BMPER: variants seen among roughly 807,000 people sequenced by gnomAD.
BMPER encodes the protein BMP binding endothelial regulator, also known as BMP-binding endothelial regulator protein.
A neutral mutation model predicts 87.3 loss-of-function variants in BMPER; 45 were observed. The ratio of observed to expected loss-of-function variants is 0.52; its 90% CI spans 0.41 to 0.66. The LOEUF (loss-of-function observed/expected upper bound fraction) is 0.66. Ranked by LOEUF, BMPER falls within the 30% of genes least tolerant of loss-of-function variation. BMPER has a pLI of 0.00. For synonymous variants in BMPER, 326 were observed against 316.2 expected, an observed-to-expected ratio of 1.03 and a Z score of -0.33; for missense variants, 784 against 867.5, an observed-to-expected ratio of 0.90 and a Z score of 1.21.
intron 2 of BMPER, among the ~76,000 whole-genome samples, chr7:33,907,160 C>T (rs1003050920): frequency 3.3e-5 from 5 of 151,992 alleles, no homozygotes; most frequent in Admixed American, 2.0e-4. Context: ...CTTTGTATGA[C>T]GTCTCGGTGA....
At position 33,942,482 on chromosome 7, in the gene BMPER, G is replaced by A. The variant is rs981626016; in HGVS notation, c.319+5094G>A. 2.0e-5 allele frequency among the ~76,000 whole-genome samples: 3 copies of A among 152,162 alleles called. No homozygotes were observed. The East Asian group carries it at 5.8e-4, about 29-fold the overall frequency. ...CAGACCCAGGTGGTCTCACCATTAG[G>A]CTTCCAGGCCTGCTGTATCAGCAGC... is the stretch of plus-strand genomic sequence containing the variant. On this transcript the variant is annotated intron_variant, in intron 3 of 14. Transcript: ENST00000649409.
At chr7:34,098,176 C>T (rs1203368609) in intron 13 of BMPER, among the ~76,000 whole-genome samples, 1 of 151,926 alleles carries the variant, frequency 6.6e-6, no homozygotes, top group Non-Finnish European at 1.5e-5. Flanking sequence ...GGGGAACCAC[C>T]CTGGTAACTT....
chr7:33,964,708 C>A (rs1785360797), intron 3 of BMPER, among the ~76,000 whole-genome samples: 1 of 152,210 alleles, frequency 6.6e-6, no homozygotes, highest in Non-Finnish European at 1.5e-5. Context: ...CCTGTTAACC[C>A]TGGCTCACAT....
Position 34,110,126 on chromosome 7 carries a change from C to T in BMPER, c.1745+24034C>T, listed in dbSNP as rs566627013. 2.6e-5 allele frequency among the ~76,000 whole-genome samples: 4 copies of T among 152,272 alleles called. No individual in the cohort carries two copies. In the South Asian group the frequency reaches 8.3e-4, roughly 32 times the overall value. ...CAAGGTTTCCGCTGGCTCTTGAGTG[C>T]AGTGGACTTTGCTGGGCGTGTATCC... On this transcript the variant is annotated intron_variant, in intron 13 of 14. Coordinates refer to ENST00000649409, the MANE Select transcript of BMPER (RefSeq NM_001365308.1).
chr7:33,927,416 G>C (rs1022467017), intron 2 of BMPER, among the ~76,000 whole-genome samples: 4 of 152,148 alleles, frequency 2.6e-5, no homozygotes, highest in African/African-American at 9.7e-5. Context: ...ACCACCAATT[G>C]CCAAGGGAAT....
intron 3 of BMPER, 72 bp from the exon 4 acceptor site, chr7:33,966,407 T>G (rs755862869): frequency 6.8e-6 from 9 of 1,319,646 alleles, no homozygotes; most frequent in Non-Finnish European, 8.7e-6. Flanking sequence ...CATAACTTAT[T>G]TTGCTCCAAA....
intron 6 of BMPER, among the ~76,000 whole-genome samples, chr7:34,019,949 G>GTTT (rs113364621): frequency 2.2e-5 from 3 of 138,106 alleles, no homozygotes; most frequent in Non-Finnish European, 3.1e-5. Context: ...TTTTTAGAAG[G>GTTT]TTTTTTTTTT....
Position 34,143,273 on chromosome 7 carries a change from T to C in BMPER, c.1789T>C (p.Cys597Arg). Residue 597 changes from cysteine to arginine, a missense_variant, in exon 14 of 15, where the codon TGT (cysteine) becomes CGT (arginine). Cys to Arg is a radical substitution (Grantham distance 180, BLOSUM62 -3). Coordinates refer to ENST00000649409, the MANE Select transcript of BMPER (RefSeq NM_001365308.1). Reference protein sequence around the residue: ...DMCECPVHKNCYCESFLAYTR... With the variant: ...DMCECPVHKNRYCESFLAYTR... Reference sequence around the variant, plus strand: ...GTGTGAATGTCCAGTCCATAAAAACTGTTATTGCGAGTCATTTTTGGCATA... The same window carrying C: ...GTGTGAATGTCCAGTCCATAAAAACCGTTATTGCGAGTCATTTTTGGCATA... The C allele has an allele frequency of 6.2e-7, 1 of 1,614,092 alleles. No individual in the cohort carries two copies. Among genetic ancestry groups the C allele is most frequent in the South Asian group, 1.1e-5 (1 of 91,084 alleles).
chr7:34,045,955 T>C (rs1006285196), intron 6 of BMPER, among the ~76,000 whole-genome samples: 2 of 152,206 alleles, frequency 1.3e-5, no homozygotes, highest in Non-Finnish European at 2.9e-5. Context: ...CATGAAACTT[T>C]CCTGGTTTTA....
chr7:33,991,410 G>A (rs1291001017), intron 6 of BMPER, among the ~76,000 whole-genome samples: 9 of 151,422 alleles, frequency 5.9e-5, no homozygotes, highest in Non-Finnish European at 1.2e-4. Context: ...GCGTAGAGGT[G>A]TTTGTAGTAT....
intron 13 of BMPER, among the ~76,000 whole-genome samples, chr7:34,142,820 T>C (rs1457041578): frequency 6.6e-6 from 1 of 152,246 alleles, no homozygotes; most frequent in Non-Finnish European, 1.5e-5. Flanking sequence ...GCGATGGTAT[T>C]CCAGTAGGGT....
intron 14 of BMPER, among the ~76,000 whole-genome samples, chr7:34,144,797 G>C (rs895979686): frequency 6.6e-6 from 1 of 152,152 alleles, no homozygotes; most frequent in African/African-American, 2.4e-5. Flanking sequence ...TAAAGGGCCA[G>C]ATTTACCTGA....
intron 10 of BMPER, among the ~76,000 whole-genome samples, chr7:34,061,093 A>G (rs1420976278): frequency 6.6e-6 from 1 of 152,200 alleles, no homozygotes; most frequent in Non-Finnish European, 1.5e-5. Context: ...TAAAATCTCT[A>G]ATGTTCATTA....
rs891292348 is a variant in BMPER, at chr7:34,085,902, G to T, written c.1555G>T (p.Val519Leu). 3 of 1,614,048 alleles carry T rather than the reference G, an allele frequency of 1.9e-6. No individual in the cohort carries two copies. The highest frequency in any genetic ancestry group is 2.5e-6 in the Non-Finnish European group (3 of 1,180,048). Residue 519 changes from valine to leucine, a missense_variant, in exon 13 of 15, where the codon GTG (valine) becomes TTG (leucine). Transcript: ENST00000649409. ...IGGDGNFKFD[V>L]DDFAESWRVE... ...TGGAGATGGAAACTTCAAGTTTGATGTGGATGACTTTGCTGAATCTTGGAG... is the reference window on the plus strand; with the variant it reads ...TGGAGATGGAAACTTCAAGTTTGATTTGGATGACTTTGCTGAATCTTGGAG...
chr7:34,032,130 A>G (rs1034808369), intron 6 of BMPER, among the ~76,000 whole-genome samples: 13 of 151,512 alleles, frequency 8.6e-5, no homozygotes, highest in African/African-American at 3.1e-4. Context: ...ACTGAATACT[A>G]TTGTTCTTCC....
intron 13 of BMPER, among the ~76,000 whole-genome samples, chr7:34,122,602 T>A (rs1213352288): frequency 6.6e-6 from 1 of 152,218 alleles, no homozygotes; most frequent in Non-Finnish European, 1.5e-5. Flanking sequence ...AGACTCCTTT[T>A]GTTGGAGAGA....
intron 6 of BMPER, among the ~76,000 whole-genome samples, chr7:34,045,199 A>C (rs1163282424): frequency 6.6e-6 from 1 of 152,234 alleles, no homozygotes; most frequent in African/African-American, 2.4e-5. Context: ...AAATTCACTG[A>C]TTTTCTTAAG....
intron 10 of BMPER, among the ~76,000 whole-genome samples, chr7:34,058,599 G>A (rs112308116): frequency 1.6e-4 from 24 of 152,198 alleles, no homozygotes; most frequent in African/African-American, 3.6e-4. Flanking sequence ...CCTGCCTCAC[G>A]GCATCCCCGA....
Position 34,129,981 on chromosome 7 carries a change from C to CT in BMPER, c.1746-13242dup, listed in dbSNP as rs555498506. ...TAAGGACTTCTACATTTTTCTTTTTCTTTTTTTCAGGAATTTGGCTACTAG... is the reference window on the plus strand; with the variant it reads ...TAAGGACTTCTACATTTTTCTTTTTCTTTTTTTTCAGGAATTTGGCTACTAG... On this transcript the variant is annotated intron_variant, in intron 13 of 14. Transcript: ENST00000649409. Among the ~76,000 whole-genome samples the CT allele has an allele frequency of 1.6e-4, 25 of 152,176 alleles. No individual in the cohort carries two copies. The South Asian group carries it at 3.3e-3, about 20-fold the overall frequency.
Sources: allele counts gnomAD v4.1 joint callset (sites outside exome capture counted in the v4.1 genomes callset), GRCh38; gene constraint gnomAD v4.1.1; transcripts MANE v1.5; gene names NCBI Gene and HGNC (gene_info 2026-07-23, HGNC 2026-07-21).